FHIP2B: variants seen among roughly 807,000 people sequenced by gnomAD.
The protein encoded by FHIP2B is FHF complex subunit HOOK interacting protein 2B.
A neutral mutation model predicts 84.0 loss-of-function variants in FHIP2B; 72 were observed. That is an observed-to-expected ratio of 0.86 (90% CI 0.71 to 1.04). The LOEUF (loss-of-function observed/expected upper bound fraction) is 1.04, where lower values mean the gene tolerates loss of function less well. Ranked by LOEUF, FHIP2B falls within the 50% of genes least tolerant of loss-of-function variation. The pLI is 0.00. For synonymous variants in FHIP2B, 497 were observed against 418.7 expected (o/e 1.19, Z -2.28); for missense variants, 972 against 968.9 (o/e 1.00, Z -0.04).
chr8:22,100,422 G>T lies in FHIP2B; in HGVS notation c.1342-172G>T, dbSNP rs9644091. The T allele has an allele frequency of 0.33, 192,840 of 591,686 alleles. 33,409 individuals are homozygous for T. The highest frequency in any genetic ancestry group is 0.59 in the East Asian group (17,187 of 29,346). The allele number at this position is 591,686 out of a possible 1,614,324, so 36.7% of individuals were successfully genotyped here. Reference sequence around the variant, plus strand: ...CATACCAGGGACCACCCAGACTTCTGGATTCCTAGGCCCACACCCCCCAAC... The same window carrying T: ...CATACCAGGGACCACCCAGACTTCTTGATTCCTAGGCCCACACCCCCCAAC... On this transcript the variant is annotated intron_variant, in intron 10 of 16. Transcript: ENST00000289921.
rs1303015874 is a variant in FHIP2B, at chr8:22,103,529, T to A, written c.*598T>A. ...AAACTCCCAGCCGCCTCATGGCAAA[T>A]GCCCAAAGCATGTTCCGCACCCAGG... On this transcript the variant is annotated 3_prime_UTR_variant, in exon 17 of 17. Transcript: ENST00000289921. The A allele has an allele frequency of 6.6e-6, 1 of 152,472 alleles. No homozygotes were observed. Among genetic ancestry groups the A allele is most frequent in the Non-Finnish European group, 1.5e-5 (1 of 68,214 alleles). The allele number at this position is 152,472 out of a possible 1,614,324, so 9.4% of individuals were successfully genotyped here.
At position 22,090,695 on chromosome 8, in the gene FHIP2B, G is replaced by C. The variant is rs374252177; in HGVS notation, c.45+1397G>C. Among the ~76,000 whole-genome samples the C allele has an allele frequency of 6.6e-4, 101 of 151,942 alleles. 1 individual carries two copies. Among genetic ancestry groups the C allele is most frequent in the African/African-American group, 2.4e-3 (100 of 41,412 alleles). On this transcript the variant is annotated intron_variant, in intron 1 of 16. Coordinates refer to ENST00000289921, the MANE Select transcript of FHIP2B (RefSeq NM_022749.7). Reference sequence around the variant, plus strand: ...GCTAGACTACAGTGGTGCGATCTCCGCTCATTGCAGCCTCCACCTCCTGGG... The same window carrying C: ...GCTAGACTACAGTGGTGCGATCTCCCCTCATTGCAGCCTCCACCTCCTGGG...
chr8:22,089,881 C>A, intron 1 of FHIP2B: 2 of 1,250,526 alleles, frequency 1.6e-6, no homozygotes, highest in Non-Finnish European at 2.1e-6. Flanking sequence ...GGCTGGTGGG[C>A]CCCCAGCCGG....
chr8:22,098,244 G>C lies in FHIP2B; in HGVS notation c.702G>C (p.Glu234Asp). 5.0e-6 allele frequency: 8 copies of C among 1,593,356 alleles called. No homozygotes were observed. The highest frequency in any genetic ancestry group is 6.8e-6 in the Non-Finnish European group (8 of 1,170,652). Reference sequence around the variant, plus strand: ...ACAGCCACATGCCTGCTGAGACCGAGGAGCTGGACGGTGGGACCACAGAGA... The same window carrying C: ...ACAGCCACATGCCTGCTGAGACCGACGAGCTGGACGGTGGGACCACAGAGA... ...ALNSHMPAET[E>D]ELDGGTTESN... The change falls in exon 6 of 17, where the codon GAG becomes GAC. Residue 234 changes from glutamate to aspartate, a missense_variant. By Grantham distance (45) the Glu-to-Asp change is conservative. Coordinates refer to ENST00000289921, the MANE Select transcript of FHIP2B (RefSeq NM_022749.7).
At chr8:22,100,151 C>G in intron 10 of FHIP2B, 1 of 465,350 alleles carries the variant, frequency 2.1e-6, no homozygotes, top group Middle Eastern at 5.4e-4. Flanking sequence ...TCACTGCAGT[C>G]TCCAACTCCT....
intron 1 of FHIP2B, chr8:22,089,843 T>A (rs1322599064): frequency 1.6e-6 from 2 of 1,283,342 alleles, no homozygotes; most frequent in Non-Finnish European, 2.0e-6. Context: ...CCGGTCCAAG[T>A]CCCCACGAAG....
rs1460818951 is a variant in FHIP2B at position 22,096,347 on chromosome 8, C to T, written c.135C>T (p.Thr45=). The change falls in exon 3 of 17, where the codon ACC becomes ACT. Residue 45 remains threonine (T), a synonymous_variant. Transcript: ENST00000289921. ...CCCAAACATCATTAGATGAAAGCACCCCCGCCAAGAAGACAGACATTCCCT... is the reference window on the plus strand; with the variant it reads ...CCCAAACATCATTAGATGAAAGCACTCCCGCCAAGAAGACAGACATTCCCT... The part of the protein sequence containing the change: ...HYYIESTDES[T]PAKKTDIPWR... 1.3e-5 allele frequency: 21 copies of T among 1,556,588 alleles called. No individual in the cohort carries two copies. Among genetic ancestry groups the T allele is most frequent in the Non-Finnish European group, 1.8e-5 (21 of 1,150,156 alleles).
chr8:22,099,706 C>T lies in FHIP2B; in HGVS notation c.1154C>T (p.Ser385Phe), dbSNP rs556670525. 1.1e-5 allele frequency: 18 copies of T among 1,581,316 alleles called. No homozygotes were observed. In the South Asian group the frequency reaches 1.7e-4, roughly 15 times the overall value. The change falls in exon 10 of 17, where the codon TCC (serine) becomes TTC (phenylalanine). Residue 385 changes from serine to phenylalanine, a missense_variant and splice_region_variant. Transcript: ENST00000289921. ...GCTAAGGTGCCCTCTTCCCGTAGGTCCGAGCAGAGCATCTTGACCTCCACC... is the reference window on the plus strand; with the variant it reads ...GCTAAGGTGCCCTCTTCCCGTAGGTTCGAGCAGAGCATCTTGACCTCCACC... Reference protein sequence around the residue: ...ETLQPQLLHVSEQSILTSTAL... With the variant: ...ETLQPQLLHVFEQSILTSTAL...
At position 22,101,679 on chromosome 8, in the gene FHIP2B, C is replaced by T. The variant is rs775321661; in HGVS notation, c.1708-29C>T. The stretch of plus-strand genomic sequence containing the variant: ...TCTGCTGGTTCCCAGTCCCCAGGCC[C>T]ACTGCCTCTACTTTCCCGCCTGTCT... On this transcript the variant is annotated intron_variant, in intron 13 of 16. Transcript: ENST00000289921. 2.0e-5 allele frequency: 31 copies of T among 1,588,712 alleles called. No homozygotes were observed. In the Middle Eastern group the frequency reaches 8.3e-4, roughly 43 times the overall value.
chr8:22,101,660 G>A, intron 13 of FHIP2B, 48 bp from the exon 14 acceptor site: 2 of 1,572,414 alleles, frequency 1.3e-6, no homozygotes, highest in South Asian at 1.2e-5. Flanking sequence ...CCTGTCTGCT[G>A]GTTCCCAGTC....
chr8:22,102,776 G>A lies in FHIP2B; in HGVS notation c.2094-17G>A, dbSNP rs370689437. The A allele has an allele frequency of 2.2e-5, 35 of 1,612,142 alleles. No individual in the cohort carries two copies. In the African/African-American group the frequency reaches 4.1e-4, roughly 19 times the overall value. The stretch of plus-strand genomic sequence containing the variant: ...CTGCCCCCACCCAGCCATGCCCCCT[G>A]TGCCATCTCCCCTCAGGCTGGACCA... On this transcript the variant is annotated splice_polypyrimidine_tract_variant and intron_variant, in intron 16 of 16. Transcript: ENST00000289921.
Position 22,100,839 on chromosome 8 carries a change from C to T in FHIP2B, c.1488-5C>T, listed in dbSNP as rs1417860136. On this transcript the variant is annotated splice_polypyrimidine_tract_variant and splice_region_variant and intron_variant, in intron 11 of 16. Transcript: ENST00000289921. ...TGGTGCCGTACTGCTCTGCCCTGGC[C>T]ACAGAGACCTGGAGGAAGACCCCTA... 2 of 1,613,880 alleles carry T rather than the reference C, an allele frequency of 1.2e-6. No homozygotes were observed. The highest frequency in any genetic ancestry group is 1.7e-5 in the Admixed American group (1 of 60,020).
Position 22,094,524 on chromosome 8 carries a change from G to A in FHIP2B, c.124+6G>A, listed in dbSNP as rs200684768. 8.4e-5 allele frequency: 135 copies of A among 1,609,802 alleles called. No individual in the cohort carries two copies. Among genetic ancestry groups the A allele is most frequent in the Middle Eastern group, 1.6e-4 (1 of 6,072 alleles). The stretch of plus-strand genomic sequence containing the variant: ...CTACTACATCGAGAGCACAGGTGCG[G>A]CCTGGCCCTCCCCAGCCCAGGGACC... On this transcript the variant is annotated splice_donor_region_variant and intron_variant, in intron 2 of 16. Transcript: ENST00000289921.
chr8:22,089,849 C>T, intron 1 of FHIP2B: 4 of 1,283,032 alleles, frequency 3.1e-6, no homozygotes, highest in Non-Finnish European at 4.1e-6. Flanking sequence ...CAAGTCCCCA[C>T]GAAGGGTAAA....
At position 22,100,892 on chromosome 8, in the gene FHIP2B, C is replaced by G; in HGVS notation, c.1536C>G (p.Gly512=). ...TCACCGACAGCTTCCTGGATTCCGGCTTTCAAACTCCCGCAAAGCCTCGCC... is the reference window on the plus strand; with the variant it reads ...TCACCGACAGCTTCCTGGATTCCGGGTTTCAAACTCCCGCAAAGCCTCGCC... ...PYFTDSFLDS[G]FQTPAKPRLA... is the part of the protein sequence containing the mutation. The change falls in exon 12 of 17, where the codon GGC becomes GGG. Residue 512 remains glycine (G), a synonymous_variant. Transcript: ENST00000289921. 1 of 1,613,942 alleles carries G rather than the reference C, an allele frequency of 6.2e-7. No individual in the cohort carries two copies. Among genetic ancestry groups the G allele is most frequent in the African/African-American group, 1.3e-5 (1 of 75,056 alleles).
At position 22,096,287 on chromosome 8, in the gene FHIP2B, C is replaced by T. The variant is rs150471646; in HGVS notation, c.125-50C>T. ...GCAGGAGAGGGTGAAGTTTTCAAGC[C>T]GGGGTGCCCCTCTTTACCCTACTCA... On this transcript the variant is annotated intron_variant, in intron 2 of 16. Coordinates refer to ENST00000289921, the MANE Select transcript of FHIP2B (RefSeq NM_022749.7). 637 of 1,450,732 alleles carry T rather than the reference C, an allele frequency of 4.4e-4. 2 individuals are homozygous for T. In the African/African-American group the frequency reaches 7.1e-3, roughly 16 times the overall value. The allele number at this position is 1,450,732 out of a possible 1,614,324, so 89.9% of individuals were successfully genotyped here.
intron 1 of FHIP2B, 118 bp from the exon 2 acceptor site, chr8:22,094,322 G>A (rs753502628): frequency 6.9e-6 from 6 of 870,236 alleles, no homozygotes; most frequent in Non-Finnish European, 1.0e-5. Context: ...AGGGAGCAGG[G>A]TGCCTCCTCA....
chr8:22,092,492 T>C (rs1825541662), intron 1 of FHIP2B, among the ~76,000 whole-genome samples: 1 of 150,930 alleles, frequency 6.6e-6, no homozygotes, highest in Non-Finnish European at 1.5e-5. Context: ...GAGAATCACT[T>C]GAACCCAGGA....
At chr8:22,100,227 C>T (rs1196081935) in intron 10 of FHIP2B, 4 of 387,304 alleles carry the variant, frequency 1.0e-5, no homozygotes, top group Non-Finnish European at 1.8e-5. Flanking sequence ...AGCCACTGTT[C>T]CCAGCTTATT....
Sources: allele counts gnomAD v4.1 joint callset (sites outside exome capture counted in the v4.1 genomes callset), GRCh38; gene constraint gnomAD v4.1.1; transcripts MANE v1.5; gene names NCBI Gene and HGNC (gene_info 2026-07-23, HGNC 2026-07-21).